DOCK10: variants seen among roughly 807,000 people sequenced by gnomAD.
DOCK10 encodes dedicator of cytokinesis protein 10.
Under a neutral mutation model 280.1 loss-of-function variants are expected in DOCK10, and 145 were observed. The ratio of observed to expected loss-of-function variants is 0.52; its 90% CI spans 0.45 to 0.59. The LOEUF is 0.59. Among genes scored for constraint, DOCK10 ranks in the 20% least tolerant of loss-of-function variants. The pLI, the probability that DOCK10 is intolerant of heterozygous loss-of-function variation, is 0.00. For synonymous variants in DOCK10, 915 were observed against 942.2 expected, an observed-to-expected ratio of 0.97 and a Z score of 0.53; for missense variants, 2,368 against 2,651.7, an observed-to-expected ratio of 0.89 and a Z score of 2.35.
At chr2:224,859,806 T>C (rs540969933) in intron 14 of DOCK10, among the ~76,000 whole-genome samples, 1 of 152,312 alleles carries the variant, frequency 6.6e-6, no homozygotes, top group African/African-American at 2.4e-5. Context: ...TATTGAAGTA[T>C]GTCAGGAAGC....
chr2:224,845,682 C>A, intron 19 of DOCK10, 40 bp from the exon 20 acceptor site: 3 of 1,577,564 alleles, frequency 1.9e-6, no homozygotes, highest in South Asian at 1.2e-5. Context: ...AGATTAAAAT[C>A]ATTTGCTCAA....
At chr2:224,916,930 T>C in intron 2 of DOCK10, 146 bp from the exon 3 acceptor site, 1 of 630,338 alleles carries the variant, frequency 1.6e-6, no homozygotes. Context: ...TTCTTCCCAA[T>C]TTAATCTCTA....
At chr2:224,889,766 A>G (rs979911181) in intron 4 of DOCK10, among the ~76,000 whole-genome samples, 5 of 152,198 alleles carry the variant, frequency 3.3e-5, no homozygotes, top group Non-Finnish European at 7.4e-5. Context: ...CCTTAATACC[A>G]TCTAACATGC....
rs544456402 is a variant in DOCK10, at chr2:224,895,600, G to T, written c.416+695C>A. Among the ~76,000 whole-genome samples the T allele has an allele frequency of 1.8e-4, 27 of 152,232 alleles. No individual in the cohort carries two copies. The South Asian group carries it at 1.9e-3, about 11-fold the overall frequency. On this transcript the variant is annotated intron_variant, in intron 4 of 55. Coordinates refer to ENST00000258390, the MANE Select transcript of DOCK10 (RefSeq NM_014689.3). ...TGCCAGGCATTCTTCTTACAGGCCT[G>T]CAGGGGATTCTGCAGGGAAAAGTCC...
chr2:224,936,427 TGAC>T (rs1274142035), intron 1 of DOCK10, among the ~76,000 whole-genome samples: 2 of 152,130 alleles, frequency 1.3e-5, no homozygotes, highest in African/African-American at 4.8e-5. Context: ...ATAGCTATTA[TGAC>T]ATTAGAGTTT....
intron 2 of DOCK10, among the ~76,000 whole-genome samples, chr2:224,921,599 CTAAA>C (rs1360392282): frequency 6.6e-6 from 1 of 152,074 alleles, no homozygotes. Context: ...TGACTTTTTA[CTAAA>C]TAAGACAACA....
chr2:225,012,313 G>A (rs1430743003), intron 1 of DOCK10, among the ~76,000 whole-genome samples: 2 of 152,150 alleles, frequency 1.3e-5, no homozygotes, highest in Non-Finnish European at 1.5e-5. Context: ...AAAGCTGAAC[G>A]TACCCTGAAT....
Position 224,916,717 on chromosome 2 carries a change from G to T in DOCK10, c.311C>A (p.Ala104Glu). The change falls in exon 3 of 56, where the codon GCA becomes GAA. Residue 104 changes from alanine to glutamate, a missense_variant. By Grantham distance (107) the Ala-to-Glu change is moderately radical. Around this residue, in one of 2 missense-constraint regions of DOCK10, gnomAD observed 1,209 missense variants for 1,250.9 expected, o/e 0.97. Coordinates refer to ENST00000258390, the MANE Select transcript of DOCK10 (RefSeq NM_014689.3). ...STVPEDAEHKAENLLVKEACK... is the reference protein window; with the variant it reads ...STVPEDAEHKEENLLVKEACK... ...TACCTCCTTAACCAGTAAATTTTCTGCCTTGTGCTCTGCATCTTCAGGTAC... is the reference window on the plus strand; with the variant it reads ...TACCTCCTTAACCAGTAAATTTTCTTCCTTGTGCTCTGCATCTTCAGGTAC... 6.2e-7 allele frequency: 1 copy of T among 1,610,572 alleles called. No homozygotes were observed. The highest frequency in any genetic ancestry group is 8.5e-7 in the Non-Finnish European group (1 of 1,178,238).
At chr2:225,035,542 T>TGATATATATATATA (rs1415059109) in intron 1 of DOCK10, among the ~76,000 whole-genome samples, 1 of 50,030 alleles carries the variant, frequency 2.0e-5, no homozygotes, top group Non-Finnish European at 3.9e-5. Flanking sequence ...ATGATATATA[T>TGATATATATATATA]TATATATATA....
chr2:224,961,030 G>A (rs1441458699), intron 1 of DOCK10, among the ~76,000 whole-genome samples: 1 of 152,104 alleles, frequency 6.6e-6, no homozygotes, highest in South Asian at 2.1e-4. Flanking sequence ...GAGCCACCGC[G>A]CCCGGCCCCC....
chr2:224,920,816 C>T (rs964218492), intron 2 of DOCK10, among the ~76,000 whole-genome samples: 1 of 151,592 alleles, frequency 6.6e-6, no homozygotes, highest in African/African-American at 2.4e-5. Flanking sequence ...AGTAACATGG[C>T]CCAGAATTAA....
In DOCK10 at chr2:224,770,669, G is replaced by A. The variant is rs1478074719; in HGVS notation, c.6205-24C>T. Reference sequence around the variant, plus strand: ...ACCTGTTGAGAAGAAAATTGGTGAAGGATGATCTACCTTCTGCATGGAGTC... The same window carrying A: ...ACCTGTTGAGAAGAAAATTGGTGAAAGATGATCTACCTTCTGCATGGAGTC... On this transcript the variant is annotated intron_variant, in intron 53 of 55. Transcript: ENST00000258390. The surrounding 1 kb of genome is among the most constrained non-coding windows in gnomAD (Gnocchi z 4.5). 1.3e-6 allele frequency: 2 copies of A among 1,544,742 alleles called. No individual in the cohort carries two copies. The highest frequency in any genetic ancestry group is 1.8e-6 in the Non-Finnish European group (2 of 1,117,042).
Position 224,765,662 on chromosome 2 carries a change from C to T in DOCK10, c.*59G>A, listed in dbSNP as rs1291756204. On this transcript the variant is annotated 3_prime_UTR_variant, in exon 56 of 56. Transcript: ENST00000258390. ...AAATTAAACCTATCTTTCTCTTCCC[C>T]GAGATTAGCTGCAAATTCAGAAAGT... 4.0e-5 allele frequency: 49 copies of T among 1,227,156 alleles called. No individual in the cohort carries two copies. In the East Asian group the frequency reaches 6.1e-4, roughly 15 times the overall value. The allele number at this position is 1,227,156 out of a possible 1,614,324, so 76.0% of individuals were successfully genotyped here.
chr2:224,789,403 G>A (rs1691983750), intron 47 of DOCK10, among the ~76,000 whole-genome samples: 1 of 152,130 alleles, frequency 6.6e-6, no homozygotes, highest in Non-Finnish European at 1.5e-5. Flanking sequence ...AATAGCATGG[G>A]ATTATGGATA....
chr2:224,868,877 A>G (rs887432504), intron 11 of DOCK10, among the ~76,000 whole-genome samples: 1 of 152,178 alleles, frequency 6.6e-6, no homozygotes, highest in Non-Finnish European at 1.5e-5. Context: ...CTCAAAACAC[A>G]TTGAAGGTCA....
chr2:224,913,732 T>TTATG (rs1196870469), intron 3 of DOCK10, among the ~76,000 whole-genome samples: 2 of 152,028 alleles, frequency 1.3e-5, no homozygotes, highest in Non-Finnish European at 2.9e-5. Context: ...ATTTATTTAT[T>TTATG]TATTTATTTA....
intron 1 of DOCK10, among the ~76,000 whole-genome samples, chr2:224,974,871 T>C (rs908213410): frequency 2.9e-5 from 4 of 136,292 alleles, no homozygotes; most frequent in Non-Finnish European, 6.5e-5. Context: ...TGAGTATATA[T>C]ACGTGTGTGT....
chr2:224,809,108 T>C (rs1048595511), intron 31 of DOCK10, among the ~76,000 whole-genome samples: 3 of 151,994 alleles, frequency 2.0e-5, no homozygotes, highest in African/African-American at 7.2e-5. Context: ...GCCTGAATTA[T>C]AGAGAAAAGG....
chr2:224,952,921 A>T (rs1383351781), intron 1 of DOCK10, among the ~76,000 whole-genome samples: 1 of 152,172 alleles, frequency 6.6e-6, no homozygotes, highest in African/African-American at 2.4e-5. Flanking sequence ...CTCAATTCTA[A>T]CTATTTTCAG....
Sources: gnomAD v4.1 joint callset for allele counts (sites outside exome capture counted in the v4.1 genomes callset) on GRCh38, gnomAD v4.1.1 for gene constraint, gnomAD v4.1.1 regional missense constraint, Gnocchi (gnomAD v3.1) non-coding constraint, MANE v1.5 for transcripts, NCBI Gene and HGNC (gene_info 2026-07-23, HGNC 2026-07-21) for gene names.